PSD3: variants seen among roughly 807,000 people sequenced by gnomAD.
The protein encoded by PSD3 is pleckstrin and Sec7 domain containing 3, also known as PH and SEC7 domain-containing protein 3.
In PSD3, 49 loss-of-function variants were observed where a neutral mutation model predicts 105.5. That is an observed-to-expected ratio of 0.46 (90% CI 0.37 to 0.59). The LOEUF (loss-of-function observed/expected upper bound fraction) is 0.59. PSD3 is among the 20% of genes least tolerant of loss of function. The probability of loss-of-function intolerance (pLI) is 0.00; values close to 1 mark genes in which losing one functional copy is unlikely to be tolerated. For synonymous variants in PSD3, 557 were observed against 457.8 expected, an observed-to-expected ratio of 1.22 and a Z score of -2.77; for missense variants, 1,561 against 1,263.8, an observed-to-expected ratio of 1.24 and a Z score of -3.57.
chr8:18,885,305 C>CA lies in PSD3; in HGVS notation c.131-12573dup, dbSNP rs199706556. On this transcript the variant is annotated intron_variant, in intron 2 of 15. Coordinates refer to ENST00000327040, the MANE Select transcript of PSD3 (RefSeq NM_015310.4). ...TAGTTTTAATTTTATTTTTAAAAGA[C>CA]AAAAAAAAGTTTAAACTAAACTTTT... Among the ~76,000 whole-genome samples the CA allele has an allele frequency of 9.2e-3, 1,396 of 151,688 alleles. 8 individuals carry two copies. The highest frequency in any genetic ancestry group is 0.015 in the Non-Finnish European group (1,046 of 67,898).
At chr8:18,603,279 G>C (rs28410515) in intron 11 of PSD3, among the ~76,000 whole-genome samples, 2 of 151,798 alleles carry the variant, frequency 1.3e-5, no homozygotes, top group Non-Finnish European at 2.9e-5. Flanking sequence ...ACCTTACTTT[G>C]GCTTTTCTTT....
At chr8:18,662,303 T>A (rs540910447) in intron 9 of PSD3, among the ~76,000 whole-genome samples, 18 of 152,342 alleles carry the variant, frequency 1.2e-4, no homozygotes, top group African/African-American at 4.3e-4. Flanking sequence ...TAGGTACAGA[T>A]GAATCTGTTC....
intron 4 of PSD3, among the ~76,000 whole-genome samples, chr8:18,832,795 G>C (rs962192535): frequency 3.9e-5 from 6 of 152,154 alleles, no homozygotes; most frequent in African/African-American, 7.2e-5. Context: ...GCAGGTGCAG[G>C]GGAACTGCCC....
chr8:18,763,952 G>T (rs1308895969), intron 9 of PSD3, among the ~76,000 whole-genome samples: 1 of 152,070 alleles, frequency 6.6e-6, no homozygotes, highest in Non-Finnish European at 1.5e-5. Context: ...TTGCACAACA[G>T]CAACAAATCA....
chr8:18,541,669 G>C (rs1023909571), intron 15 of PSD3, among the ~76,000 whole-genome samples: 33 of 151,976 alleles, frequency 2.2e-4, no homozygotes, highest in African/African-American at 8.0e-4. Context: ...TTAGGACTGG[G>C]GCTTTTTCTC....
chr8:18,916,755 T>C (rs1252771413), intron 2 of PSD3, among the ~76,000 whole-genome samples: 4 of 152,028 alleles, frequency 2.6e-5, no homozygotes, highest in African/African-American at 7.3e-5. Flanking sequence ...AAAATAAGTA[T>C]GTAAGGTAAA....
intron 9 of PSD3, among the ~76,000 whole-genome samples, chr8:18,699,893 T>C (rs140267518): frequency 6.6e-6 from 1 of 150,978 alleles, no homozygotes; most frequent in Non-Finnish European, 1.5e-5. Flanking sequence ...AAAATCAAGC[T>C]GCAGATTCCG....
intron 1 of PSD3, among the ~76,000 whole-genome samples, chr8:19,031,137 CCT>C (rs1827754624): frequency 6.6e-6 from 1 of 152,194 alleles, no homozygotes; most frequent in Non-Finnish European, 1.5e-5. Context: ...TCTGCATTCT[CCT>C]CTCTGTCTAC....
intron 2 of PSD3, among the ~76,000 whole-genome samples, chr8:18,893,810 C>T (rs1818970023): frequency 6.6e-6 from 1 of 152,228 alleles, no homozygotes. Context: ...TCACAGGCAA[C>T]ATGCTCTCCC....
At chr8:19,055,411 G>A (rs142778174) in intron 1 of PSD3, among the ~76,000 whole-genome samples, 2 of 152,172 alleles carry the variant, frequency 1.3e-5, no homozygotes, top group African/African-American at 2.4e-5. Context: ...CCGCCACGAC[G>A]CTCAGCTAAT....
At chr8:18,896,905 G>T (rs1255320367) in intron 2 of PSD3, among the ~76,000 whole-genome samples, 1 of 151,794 alleles carries the variant, frequency 6.6e-6, no homozygotes, top group Non-Finnish European at 1.5e-5. Flanking sequence ...CCGCCTCCCA[G>T]GTTCAAGCAA....
chr8:18,975,822 T>TA (rs200574693), intron 1 of PSD3, among the ~76,000 whole-genome samples: 36 of 151,102 alleles, frequency 2.4e-4, no homozygotes, highest in Admixed American at 8.6e-4. Flanking sequence ...TGCTAACTCA[T>TA]AAAAAAAAAT....
chr8:18,872,031 C>T lies in PSD3; in HGVS notation c.833G>A (p.Arg278Lys). 2 of 1,614,188 alleles carry T rather than the reference C, an allele frequency of 1.2e-6. No homozygotes were observed. Among genetic ancestry groups the T allele is most frequent in the Non-Finnish European group, 1.7e-6 (2 of 1,180,030 alleles). ...FLKEQRSALGREHPGGCDRSS... is the reference protein window; with the variant it reads ...FLKEQRSALGKEHPGGCDRSS... ...TCGATCACATCCCCCTGGGTGCTCT[C>T]TCCCAAGAGCAGACCTCTGCTCTTT... Residue 278 changes from arginine to lysine, a missense_variant, in exon 3 of 16, where the codon AGA becomes AAA. Arg to Lys is a conservative substitution (Grantham distance 26). Transcript: ENST00000327040.
At chr8:18,916,867 T>C (rs1820649810) in intron 2 of PSD3, among the ~76,000 whole-genome samples, 1 of 151,982 alleles carries the variant, frequency 6.6e-6, no homozygotes, top group Non-Finnish European at 1.5e-5. Context: ...CAATTATATC[T>C]TAATAAAGCT....
intron 10 of PSD3, among the ~76,000 whole-genome samples, chr8:18,652,376 A>G (rs1024303035): frequency 2.0e-5 from 3 of 152,086 alleles, no homozygotes; most frequent in African/African-American, 7.2e-5. Flanking sequence ...CTAAGGGATA[A>G]TATGAGGAAA....
intron 9 of PSD3, among the ~76,000 whole-genome samples, chr8:18,757,264 C>T (rs548611018): frequency 6.6e-6 from 1 of 150,834 alleles, no homozygotes; most frequent in Non-Finnish European, 1.5e-5. Flanking sequence ...ACCAGCCTTG[C>T]CAACATGGTA....
At chr8:18,684,239 CA>C (rs1563169320) in intron 9 of PSD3, 16 of 222,650 alleles carry the variant, frequency 7.2e-5, no homozygotes, top group African/African-American at 3.4e-4. Context: ...CACACACACA[CA>C]CACACACACA....
intron 2 of PSD3, among the ~76,000 whole-genome samples, chr8:18,908,041 G>C (rs1819961234): frequency 1.3e-5 from 2 of 152,152 alleles, no homozygotes; most frequent in African/African-American, 4.8e-5. Context: ...GATGGATGTA[G>C]ATAAACTGAT....
chr8:18,652,825 T>C (rs544218533), intron 10 of PSD3, among the ~76,000 whole-genome samples: 1 of 152,234 alleles, frequency 6.6e-6, no homozygotes, highest in South Asian at 2.1e-4. Context: ...AAGGATCACA[T>C]ACACTGATAG....
Sources: allele counts gnomAD v4.1 joint callset (sites outside exome capture counted in the v4.1 genomes callset), GRCh38; gene constraint gnomAD v4.1.1; transcripts MANE v1.5; gene names NCBI Gene and HGNC (gene_info 2026-07-23, HGNC 2026-07-21).